XYLT1: variants seen among roughly 807,000 people sequenced by gnomAD.
XYLT1 encodes beta-D-xylosyltransferase 1.
XYLT1 carries 36 observed loss-of-function variants against 91.3 expected under a neutral mutation model. That is an observed-to-expected ratio of 0.39 (90% CI 0.30 to 0.52). XYLT1 has a LOEUF of 0.52. Ranked by LOEUF, XYLT1 falls within the 20% of genes least tolerant of loss-of-function variation. XYLT1 has a pLI of 0.68. For missense variants in XYLT1, 1,242 were observed against 1,284.5 expected, an observed-to-expected ratio of 0.97 and a Z score of 0.51; for synonymous variants, 588 against 532.0, an observed-to-expected ratio of 1.11 and a Z score of -1.45.
intron 2 of XYLT1, among the ~76,000 whole-genome samples, chr16:17,265,072 C>T (rs1462230226): frequency 6.6e-6 from 1 of 152,192 alleles, no homozygotes; most frequent in Non-Finnish European, 1.5e-5. Context: ...CCTGTAGTCC[C>T]AGCTACTCAG....
intron 3 of XYLT1, among the ~76,000 whole-genome samples, chr16:17,218,530 T>A: frequency 6.6e-6 from 1 of 152,136 alleles, no homozygotes; most frequent in East Asian, 1.9e-4. Flanking sequence ...TGCTCAGCAG[T>A]GATTGTGAGC....
chr16:17,465,255 G>C (rs971846493), intron 1 of XYLT1, among the ~76,000 whole-genome samples: 4 of 151,272 alleles, frequency 2.6e-5, no homozygotes, highest in Non-Finnish European at 4.4e-5. Context: ...GGCATCTTTG[G>C]AAAGGGGCAG....
intron 1 of XYLT1, among the ~76,000 whole-genome samples, chr16:17,466,917 T>C (rs2036905362): frequency 6.6e-6 from 1 of 151,362 alleles, no homozygotes. Context: ...ATCAATAACA[T>C]ACCCTGTTTT....
Position 17,267,508 on chromosome 16 carries a change from G to A in XYLT1, c.403-8010C>T, listed in dbSNP as rs1156476912. On this transcript the variant is annotated intron_variant, in intron 2 of 11. Transcript: ENST00000261381. ...CGCAAGCTCCGCCTCCCGGGTTCAC[G>A]CCATTCTCCTGCCTCAGCCTCCCGA... 4.6e-5 allele frequency among the ~76,000 whole-genome samples: 7 copies of A among 152,208 alleles called. No individual in the cohort carries two copies. In the South Asian group the frequency reaches 8.3e-4, roughly 18 times the overall value.
chr16:17,347,713 T>C (rs1368368449), intron 2 of XYLT1, among the ~76,000 whole-genome samples: 3 of 152,200 alleles, frequency 2.0e-5, no homozygotes, highest in Admixed American at 1.3e-4. Flanking sequence ...GCAAGTCCCA[T>C]TGGCAGTGCT....
At chr16:17,429,073 T>C (rs556639752) in intron 1 of XYLT1, among the ~76,000 whole-genome samples, 1 of 152,264 alleles carries the variant, frequency 6.6e-6, no homozygotes, top group South Asian at 2.1e-4. Flanking sequence ...GAAGCACCCG[T>C]CTTTGAAAAG....
chr16:17,321,385 T>C (rs1240790334), intron 2 of XYLT1, among the ~76,000 whole-genome samples: 1 of 132,034 alleles, frequency 7.6e-6, no homozygotes, highest in Non-Finnish European at 1.6e-5. Context: ...TTTGAGGCAG[T>C]CTCACTTTGT....
At chr16:17,217,009 T>C (rs959242131) in intron 3 of XYLT1, among the ~76,000 whole-genome samples, 1 of 152,218 alleles carries the variant, frequency 6.6e-6, no homozygotes, top group South Asian at 2.1e-4. Context: ...CTGGTGACAA[T>C]GCCAGGAGCA....
intron 1 of XYLT1, among the ~76,000 whole-genome samples, chr16:17,359,710 AT>A (rs1292686850): frequency 2.6e-5 from 4 of 152,188 alleles, no homozygotes; most frequent in Non-Finnish European, 4.4e-5. Context: ...GCCTTGACCT[AT>A]AAAGGAATCT....
chr16:17,367,623 A>C (rs1193693671), intron 1 of XYLT1, among the ~76,000 whole-genome samples: 2 of 152,222 alleles, frequency 1.3e-5, no homozygotes, highest in Non-Finnish European at 2.9e-5. Context: ...TTCATATTTG[A>C]GCTCCAGAAT....
chr16:17,199,603 G>A (rs1293003126), intron 4 of XYLT1, among the ~76,000 whole-genome samples: 1 of 152,168 alleles, frequency 6.6e-6, no homozygotes, highest in African/African-American at 2.4e-5. Flanking sequence ...CTGAATCACA[G>A]GGGTGGTTTC....
chr16:17,466,665 T>C (rs2036901294), intron 1 of XYLT1, among the ~76,000 whole-genome samples: 1 of 152,222 alleles, frequency 6.6e-6, no homozygotes, highest in African/African-American at 2.4e-5. Context: ...GTCTAAAGTA[T>C]GAAAAGACCG....
chr16:17,410,630 T>C (rs1424788357), intron 1 of XYLT1, among the ~76,000 whole-genome samples: 1 of 150,176 alleles, frequency 6.7e-6, no homozygotes, highest in Admixed American at 6.7e-5. Context: ...AGCCAAACCA[T>C]ATCACCTGTC....
chr16:17,416,792 C>G (rs563126602), intron 1 of XYLT1, among the ~76,000 whole-genome samples: 2 of 152,324 alleles, frequency 1.3e-5, no homozygotes, highest in Admixed American at 6.5e-5. Flanking sequence ...TGAAACATCT[C>G]TTTGAACAAG....
rs370919529 is a variant in XYLT1, at chr16:17,141,147, A to G, written c.1587+6T>C. 2.0e-5 allele frequency: 32 copies of G among 1,612,108 alleles called. No individual in the cohort carries two copies. The highest frequency in any genetic ancestry group is 2.6e-5 in the Non-Finnish European group (31 of 1,178,356). On this transcript the variant is annotated splice_donor_region_variant and intron_variant, in intron 7 of 11. Coordinates refer to ENST00000261381, the MANE Select transcript of XYLT1 (RefSeq NM_022166.4). ...CTTTCTTGGGAAAATTTTCCCAGAT[A>G]CTCACCTCAGCAGGAAGCAGGGTGT...
At chr16:17,415,768 G>T (rs772057911) in intron 1 of XYLT1, among the ~76,000 whole-genome samples, 4 of 152,140 alleles carry the variant, frequency 2.6e-5, no homozygotes, top group Admixed American at 6.5e-5. Context: ...AAAAGGAGAA[G>T]CTGCTGTGGT....
At chr16:17,160,288 C>G (rs559991274) in intron 5 of XYLT1, among the ~76,000 whole-genome samples, 12 of 152,328 alleles carry the variant, frequency 7.9e-5, no homozygotes, top group African/African-American at 2.9e-4. Flanking sequence ...ATTTAAAGGG[C>G]ACACAGTAGG....
chr16:17,371,943 A>C (rs114067018), intron 1 of XYLT1, among the ~76,000 whole-genome samples: 4,846 of 152,252 alleles, frequency 0.032, 245 homozygotes, highest in African/African-American at 0.11. Context: ...ACACCCCCCC[A>C]AAAAAAGTTG....
chr16:17,267,263 G>A (rs546944626), intron 2 of XYLT1, among the ~76,000 whole-genome samples: 25 of 152,318 alleles, frequency 1.6e-4, no homozygotes, highest in Non-Finnish European at 2.9e-4. Context: ...CAAATGTAAG[G>A]TGGGGATTAA....
Sources: allele counts gnomAD v4.1 joint callset (sites outside exome capture counted in the v4.1 genomes callset), GRCh38; gene constraint gnomAD v4.1.1; transcripts MANE v1.5; gene names NCBI Gene and HGNC (gene_info 2026-07-23, HGNC 2026-07-21).